KIRREL3: variants seen among roughly 807,000 people sequenced by gnomAD.
KIRREL3 encodes kin of IRRE-like protein 3.
Under a neutral mutation model 89.7 loss-of-function variants are expected in KIRREL3, and 36 were observed. The observed-to-expected ratio is 0.40, with a 90% CI of 0.31 to 0.53. The LOEUF is 0.53. KIRREL3 is among the 20% of genes least tolerant of loss of function. KIRREL3 has a pLI of 0.49. For missense variants in KIRREL3, 864 were observed against 1,056.6 expected (o/e 0.82, Z 2.53); for synonymous variants, 445 against 441.4 (o/e 1.01, Z -0.10).
rs1949364739 is a variant in KIRREL3 at position 126,969,263 on chromosome 11, G to A, written c.55+31192C>T. On this transcript the variant is annotated intron_variant, in intron 1 of 16. Transcript: ENST00000525144. The surrounding 1 kb of genome is among the most constrained non-coding windows in gnomAD (Gnocchi z 4.9). ...ACAATAGACATGGAGTGCCTCCCAT[G>A]GACACAGGGAATGAAGGGATAGACA... is the stretch of plus-strand genomic sequence containing the variant. Among the ~76,000 whole-genome samples, 1 of 152,166 alleles carries A rather than the reference G, an allele frequency of 6.6e-6. No individual in the cohort carries two copies. Among genetic ancestry groups the A allele is most frequent in the African/African-American group, 2.4e-5 (1 of 41,450 alleles).
Position 126,960,666 on chromosome 11 carries a change from T to C in KIRREL3, c.55+39789A>G, listed in dbSNP as rs142452670. 5.8e-4 allele frequency among the ~76,000 whole-genome samples: 89 copies of C among 152,334 alleles called. 3 individuals are homozygous for C. The highest frequency in any genetic ancestry group is 3.4e-3 in the Middle Eastern group (1 of 294). On this transcript the variant is annotated intron_variant, in intron 1 of 16. Transcript: ENST00000525144. ...GAAGGCTGACAACTAAGCAAAAAAT[T>C]CAGATTTTGTAGATCTTACTTTTGA...
intron 1 of KIRREL3, among the ~76,000 whole-genome samples, chr11:126,586,049 T>C (rs191069079): frequency 1.0e-3 from 155 of 152,274 alleles, no homozygotes; most frequent in Middle Eastern, 3.4e-3. Flanking sequence ...TTACTTCCTC[T>C]CTTTAAAAAC....
chr11:126,443,227 T>C lies in KIRREL3; in HGVS notation c.1252+1752A>G, dbSNP rs1228128517. 1.3e-5 allele frequency among the ~76,000 whole-genome samples: 2 copies of C among 152,086 alleles called. No homozygotes were observed. Among genetic ancestry groups the C allele is most frequent in the Admixed American group, 6.5e-5 (1 of 15,268 alleles). On this transcript the variant is annotated intron_variant, in intron 10 of 16. Transcript: ENST00000525144. This position sits in a 1 kb window ranked among gnomAD's most constrained non-coding sequence, Gnocchi z 7.3. ...GTGAGGGTCCCGGGCTGGCTGGTCA[T>C]AGGGCCAGCAGAGCAGAGCCGGCTG...
At chr11:126,928,630 G>C (rs537177425) in intron 1 of KIRREL3, among the ~76,000 whole-genome samples, 3 of 152,366 alleles carry the variant, frequency 2.0e-5, no homozygotes, top group South Asian at 2.1e-4. Context: ...AGCCATGCTT[G>C]GGGGAGAGCA....
At chr11:126,693,915 C>G (rs1946983522) in intron 1 of KIRREL3, among the ~76,000 whole-genome samples, 2 of 152,242 alleles carry the variant, frequency 1.3e-5, no homozygotes, top group Admixed American at 6.5e-5. Context: ...TGCCCCTTCC[C>G]CAGATCCCAC....
rs528685752 is a variant in KIRREL3, at chr11:126,490,421, T to C, written c.434-16955A>G. Among the ~76,000 whole-genome samples, 1 of 152,088 alleles carries C rather than the reference T, an allele frequency of 6.6e-6. No homozygotes were observed. The highest frequency in any genetic ancestry group is 2.4e-5 in the African/African-American group (1 of 41,484). ...TGGAAATAGACCATGTAGGCCTGTG[T>C]TCCACGGGTGCTCAGAAAAGACCAT... On this transcript the variant is annotated intron_variant, in intron 4 of 16. Coordinates refer to ENST00000525144, the MANE Select transcript of KIRREL3 (RefSeq NM_032531.4). This position sits in a 1 kb window ranked among gnomAD's most constrained non-coding sequence, Gnocchi z 4.2.
rs1009921622 is a variant in KIRREL3 at position 126,519,946 on chromosome 11, C to T, written c.433+1369G>A. Among the ~76,000 whole-genome samples, 7 of 152,146 alleles carry T rather than the reference C, an allele frequency of 4.6e-5. No individual in the cohort carries two copies. Among genetic ancestry groups the T allele is most frequent in the South Asian group, 2.1e-4 (1 of 4,822 alleles). On this transcript the variant is annotated intron_variant, in intron 4 of 16. Transcript: ENST00000525144. This position sits in a 1 kb window ranked among gnomAD's most constrained non-coding sequence, Gnocchi z 4.3. ...CATGGAATCCCAACTTATTTACCCCCGCTGGAACAGGTTTATTTTCTCATT... is the reference window on the plus strand; with the variant it reads ...CATGGAATCCCAACTTATTTACCCCTGCTGGAACAGGTTTATTTTCTCATT...
rs1245773640 is a variant in KIRREL3 at position 126,563,006 on chromosome 11, T to C, written c.56-94A>G. 10 of 799,378 alleles carry C rather than the reference T, an allele frequency of 1.3e-5. No individual in the cohort carries two copies. In the East Asian group the frequency reaches 2.6e-4, roughly 21 times the overall value. The allele number at this position is 799,378 out of a possible 1,614,324, so 49.5% of individuals were successfully genotyped here. ...CAGGGGGCTGTGGAGCTTGTTGCTCTTATAAACAGAGGTGCTTTTGTTTAG... is the reference window on the plus strand; with the variant it reads ...CAGGGGGCTGTGGAGCTTGTTGCTCCTATAAACAGAGGTGCTTTTGTTTAG... On this transcript the variant is annotated intron_variant, in intron 1 of 16. Coordinates refer to ENST00000525144, the MANE Select transcript of KIRREL3 (RefSeq NM_032531.4). The surrounding 1 kb of genome is among the most constrained non-coding windows in gnomAD (Gnocchi z 6.8).
rs554296726 is a variant in KIRREL3 at position 126,677,332 on chromosome 11, C to T, written c.56-114420G>A. Among the ~76,000 whole-genome samples, 134 of 152,256 alleles carry T rather than the reference C, an allele frequency of 8.8e-4. 1 individual carries two copies. Among genetic ancestry groups the T allele is most frequent in the African/African-American group, 3.1e-3 (127 of 41,554 alleles). ...ATAGATTCCCCTATTCTGGACATTT[C>T]GTATAAGTGGAACCATAGACTGTAA... is the stretch of plus-strand genomic sequence containing the variant. On this transcript the variant is annotated intron_variant, in intron 1 of 16. Coordinates refer to ENST00000525144, the MANE Select transcript of KIRREL3 (RefSeq NM_032531.4). This position sits in a 1 kb window ranked among gnomAD's most constrained non-coding sequence, Gnocchi z 5.1.
At chr11:126,819,295 C>T (rs1181256779) in intron 1 of KIRREL3, among the ~76,000 whole-genome samples, 1 of 152,192 alleles carries the variant, frequency 6.6e-6, no homozygotes, top group African/African-American at 2.4e-5. Context: ...AAGGCTTTCC[C>T]AGCAGAGGTT....
At chr11:126,922,029 C>CCTGT (rs1947353967) in intron 1 of KIRREL3, among the ~76,000 whole-genome samples, 1 of 144,354 alleles carries the variant, frequency 6.9e-6, no homozygotes, top group African/African-American at 2.7e-5. Context: ...TATCTATCTT[C>CCTGT]CTATCTATCT....
intron 4 of KIRREL3, among the ~76,000 whole-genome samples, chr11:126,514,240 G>A (rs1041860712): frequency 1.3e-5 from 2 of 152,100 alleles, no homozygotes; most frequent in Non-Finnish European, 2.9e-5. Flanking sequence ...GTTTGCTACC[G>A]CTATTTGGGG....
At chr11:126,913,810 C>T (rs527361736) in intron 1 of KIRREL3, among the ~76,000 whole-genome samples, 2 of 152,220 alleles carry the variant, frequency 1.3e-5, no homozygotes, top group East Asian at 3.9e-4. Flanking sequence ...AGAGGCCTGG[C>T]AGAGTAGAGT....
Position 126,477,981 on chromosome 11 carries a change from AC to A in KIRREL3, c.434-4516del, listed in dbSNP as rs1467932235. On this transcript the variant is annotated intron_variant, in intron 4 of 16. Transcript: ENST00000525144. The surrounding 1 kb of genome is among the most constrained non-coding windows in gnomAD (Gnocchi z 4.8). ...CTGGCAGAGTGGGTCTATCACCAAC[AC>A]CAAACCCTCCAGGGGCTTCCCGCTG... 6.6e-6 allele frequency among the ~76,000 whole-genome samples: 1 copy of A among 152,150 alleles called. No homozygotes were observed. The highest frequency in any genetic ancestry group is 1.9e-4 in the East Asian group (1 of 5,194).
chr11:126,692,920 T>C (rs1231221991), intron 1 of KIRREL3, among the ~76,000 whole-genome samples: 5 of 152,232 alleles, frequency 3.3e-5, no homozygotes, highest in African/African-American at 1.2e-4. Flanking sequence ...TTCCCATCCC[T>C]TGGATCTGAG....
chr11:126,451,112 CATGT>C (rs796702110), intron 7 of KIRREL3, among the ~76,000 whole-genome samples: 16 of 70,766 alleles, frequency 2.3e-4, no homozygotes, highest in African/African-American at 9.9e-4. Flanking sequence ...TGCATGTGTG[CATGT>C]GTGTGTGTGC....
rs1223455516 is a variant in KIRREL3 at position 126,754,800 on chromosome 11, A to G, written c.56-191888T>C. On this transcript the variant is annotated intron_variant, in intron 1 of 16. Coordinates refer to ENST00000525144, the MANE Select transcript of KIRREL3 (RefSeq NM_032531.4). This position sits in a 1 kb window ranked among gnomAD's most constrained non-coding sequence, Gnocchi z 5.1. The stretch of plus-strand genomic sequence containing the variant: ...GGTGAATCCAACAGTTTCCTAAAAT[A>G]TAGGTCACCACAAATCACCACTTAG... 1.3e-5 allele frequency among the ~76,000 whole-genome samples: 2 copies of G among 152,146 alleles called. No individual in the cohort carries two copies. Among genetic ancestry groups the G allele is most frequent in the Non-Finnish European group, 2.9e-5 (2 of 68,026 alleles).
chr11:126,616,617 T>C (rs1472158877), intron 1 of KIRREL3, among the ~76,000 whole-genome samples: 1 of 152,222 alleles, frequency 6.6e-6, no homozygotes, highest in East Asian at 1.9e-4. Context: ...CTTTTACAGA[T>C]GAGAAGACTG....
At chr11:126,539,698 A>G (rs1334382800) in intron 2 of KIRREL3, among the ~76,000 whole-genome samples, 1 of 152,148 alleles carries the variant, frequency 6.6e-6, no homozygotes, top group African/African-American at 2.4e-5. Flanking sequence ...TCAGTTTTAA[A>G]TGTGTTGATG....
Sources: allele counts gnomAD v4.1 joint callset (sites outside exome capture counted in the v4.1 genomes callset), GRCh38; gene constraint gnomAD v4.1.1; non-coding constraint Gnocchi (gnomAD v3.1); transcripts MANE v1.5; gene names NCBI Gene and HGNC (gene_info 2026-07-23, HGNC 2026-07-21).